The following RAPGEF1 variants were observed in gnomAD, a reference collection of about 807,000 sequenced individuals.
The protein encoded by RAPGEF1 is CRK SH3-binding GNRP.
In RAPGEF1, 33 loss-of-function variants were observed where a neutral mutation model predicts 143.3. That is an observed-to-expected ratio of 0.23 (90% CI 0.17 to 0.31). RAPGEF1 has a LOEUF of 0.31. Ranked by LOEUF, RAPGEF1 falls within the 10% of genes least tolerant of loss-of-function variation. The probability of loss-of-function intolerance (pLI) is 1.00; values close to 1 mark genes in which losing one functional copy is unlikely to be tolerated. For missense variants in RAPGEF1, 1,199 were observed against 1,645.4 expected, an observed-to-expected ratio of 0.73 and a Z score of 4.69; for synonymous variants, 629 against 676.5, an observed-to-expected ratio of 0.93 and a Z score of 1.09.
In RAPGEF1 at chr9:131,626,297, G is replaced by C. The variant is rs1385774561; in HGVS notation, c.1327C>G (p.Leu443Val). The C allele has an allele frequency of 2.5e-5, 40 of 1,614,052 alleles. No individual in the cohort carries two copies. Among genetic ancestry groups the C allele is most frequent in the Non-Finnish European group, 3.2e-5 (38 of 1,179,898 alleles). Residue 443 changes from leucine to valine, a missense_variant, in exon 10 of 27, where the codon CTT becomes GTT. Coordinates refer to ENST00000683357, the MANE Select transcript of RAPGEF1 (RefSeq NM_001377935.1). ...ESLGESGSPF[L>V]GPPFQLPLGG... is the part of the protein sequence containing the mutation. The stretch of plus-strand genomic sequence containing the variant: ...AGAGGCAGCTGGAAAGGAGGGCCAA[G>C]AAATGGAGACCCAGACTCCCCCAAA...
At chr9:131,737,679 A>G in intron 1 of RAPGEF1, 1 of 1,189,560 alleles carries the variant, frequency 8.4e-7, no homozygotes, top group Non-Finnish European at 1.1e-6. Context: ...TTTTTAAAAA[A>G]AGAGGCCCAG....
intron 1 of RAPGEF1, among the ~76,000 whole-genome samples, chr9:131,736,587 TC>T (rs1218439823): frequency 2.6e-5 from 4 of 151,936 alleles, no homozygotes; most frequent in Non-Finnish European, 5.9e-5. Context: ...TCAAAAGATC[TC>T]CCCCAGGGGT....
intron 1 of RAPGEF1, among the ~76,000 whole-genome samples, chr9:131,715,758 G>C (rs954678478): frequency 6.6e-6 from 1 of 151,626 alleles, no homozygotes; most frequent in Non-Finnish European, 1.5e-5. Flanking sequence ...CAAGCTACTC[G>C]GGAGGCTGAG....
intron 9 of RAPGEF1, among the ~76,000 whole-genome samples, chr9:131,627,394 A>T (rs1476941731): frequency 6.6e-6 from 1 of 152,082 alleles, no homozygotes; most frequent in Non-Finnish European, 1.5e-5. Context: ...ATCACTGATT[A>T]TGCTCCTAGG....
At chr9:131,720,356 T>TA (rs1280875350) in intron 1 of RAPGEF1, among the ~76,000 whole-genome samples, 1 of 152,206 alleles carries the variant, frequency 6.6e-6, no homozygotes, top group East Asian at 1.9e-4. Context: ...ATCTTACAGG[T>TA]AAGTCCCTAT....
intron 1 of RAPGEF1, among the ~76,000 whole-genome samples, chr9:131,686,427 G>GTGCTGTGTGGACT (rs1298124073): frequency 6.6e-6 from 1 of 152,136 alleles, no homozygotes; most frequent in Non-Finnish European, 1.5e-5. Flanking sequence ...TGGGTAATTG[G>GTGCTGTGTGGACT]TGCTGTGTGG....
intron 5 of RAPGEF1, 119 bp from the exon 6 acceptor site, chr9:131,630,443 C>G (rs2133080093): frequency 2.2e-6 from 2 of 909,880 alleles, no homozygotes; most frequent in Non-Finnish European, 3.4e-6. Flanking sequence ...CCTACAGATT[C>G]CCCACGCACC....
chr9:131,587,878 T>C (rs1250577339), intron 21 of RAPGEF1, 48 bp from the exon 22 acceptor site: 1 of 1,600,936 alleles, frequency 6.2e-7, no homozygotes, highest in Non-Finnish European at 8.5e-7. Flanking sequence ...GGCTTTCCCC[T>C]GATGGGGGTT....
intron 1 of RAPGEF1, among the ~76,000 whole-genome samples, chr9:131,686,424 T>C (rs1833355667): frequency 6.6e-6 from 1 of 152,194 alleles, no homozygotes. Context: ...CTATGGGTAA[T>C]TGGTGCTGTG....
At chr9:131,725,994 C>T (rs12005315) in intron 1 of RAPGEF1, among the ~76,000 whole-genome samples, 42,082 of 151,396 alleles carry the variant, frequency 0.28, 6,349 homozygotes, top group Non-Finnish European at 0.34. Context: ...CTCCTGACCT[C>T]GTGATTCACC....
chr9:131,661,099 C>T (rs1973946865), intron 1 of RAPGEF1, among the ~76,000 whole-genome samples: 1 of 152,214 alleles, frequency 6.6e-6, no homozygotes. Flanking sequence ...TGACTGACAG[C>T]CACCCACTAT....
chr9:131,591,796 G>A (rs1251849567), intron 18 of RAPGEF1, among the ~76,000 whole-genome samples: 7 of 152,324 alleles, frequency 4.6e-5, no homozygotes, highest in Non-Finnish European at 5.9e-5. Context: ...TGTCTAATTC[G>A]TTTTTAGAAT....
chr9:131,633,295 TGGA>T (rs920352639), intron 5 of RAPGEF1, among the ~76,000 whole-genome samples: 3 of 152,118 alleles, frequency 2.0e-5, no homozygotes, highest in Non-Finnish European at 2.9e-5. Context: ...CCCTACCGCC[TGGA>T]GGAGGGAGGA....
intron 1 of RAPGEF1, among the ~76,000 whole-genome samples, chr9:131,694,237 G>A (rs1196113732): frequency 6.6e-6 from 1 of 152,132 alleles, no homozygotes; most frequent in Non-Finnish European, 1.5e-5. Flanking sequence ...GGGGGCAGAG[G>A]AATTCTGCCT....
At chr9:131,597,439 G>C (rs1451361170) in intron 16 of RAPGEF1, among the ~76,000 whole-genome samples, 1 of 152,250 alleles carries the variant, frequency 6.6e-6, no homozygotes, top group African/African-American at 2.4e-5. Context: ...CATGGCCAGA[G>C]CCAGCGCATC....
chr9:131,717,388 T>C (rs1349058886), intron 1 of RAPGEF1, among the ~76,000 whole-genome samples: 1 of 152,130 alleles, frequency 6.6e-6, no homozygotes, highest in East Asian at 1.9e-4. Flanking sequence ...CAAAAATTAG[T>C]GAGCGTCAGC....
rs144652141 is a variant in RAPGEF1 at position 131,621,880 on chromosome 9, G to A, written c.1821C>T (p.Tyr607=). The change falls in exon 11 of 27, where the codon TAC becomes TAT. Residue 607 remains tyrosine (Y), a synonymous_variant. Transcript: ENST00000683357. This position sits in a 1 kb window ranked among gnomAD's most constrained non-coding sequence, Gnocchi z 4.5. Reference sequence around the variant, plus strand: ...CCCCACTGAAGGAGTCGCTGAAGCCGTATACCTCCATGAGGAGCTTGTTCT... The same window carrying A: ...CCCCACTGAAGGAGTCGCTGAAGCCATATACCTCCATGAGGAGCTTGTTCT... ...QQKNKLLMEV[Y]GFSDSFSGVD... The A allele has an allele frequency of 9.0e-5, 145 of 1,612,758 alleles. No homozygotes were observed. Among genetic ancestry groups the A allele is most frequent in the South Asian group, 2.9e-4 (26 of 90,800 alleles).
intron 15 of RAPGEF1, 24 bp from the exon 16 acceptor site, chr9:131,598,334 TGCAAGTGTCA>T (rs1392777905): frequency 6.2e-7 from 1 of 1,601,552 alleles, no homozygotes. Flanking sequence ...TGGTTTGTGT[TGCAAGTGTCA>T]AACCGGCTCA....
chr9:131,641,655 G>A lies in RAPGEF1; in HGVS notation c.494+1584C>T, dbSNP rs193110630. ...CTAGGTCCACAAAAACATGTTCTAA[G>A]AGGGAATCCATACATCTCGCTGTGG... On this transcript the variant is annotated intron_variant, in intron 4 of 26. Transcript: ENST00000683357. This position sits in a 1 kb window ranked among gnomAD's most constrained non-coding sequence, Gnocchi z 4.6. Among the ~76,000 whole-genome samples, 131 of 152,354 alleles carry A rather than the reference G, an allele frequency of 8.6e-4. 2 individuals carry two copies. In the Middle Eastern group the frequency reaches 0.01, roughly 12 times the overall value.
Sources: gnomAD v4.1 joint callset for allele counts (sites outside exome capture counted in the v4.1 genomes callset) on GRCh38, gnomAD v4.1.1 for gene constraint, Gnocchi (gnomAD v3.1) non-coding constraint, MANE v1.5 for transcripts, NCBI Gene and HGNC (gene_info 2026-07-23, HGNC 2026-07-21) for gene names.